PCDHGA5: variants seen among roughly 807,000 people sequenced by gnomAD.
PCDHGA5 encodes the protein protocadherin gamma-A5.
Under a neutral mutation model 56.7 loss-of-function variants are expected in PCDHGA5, and 36 were observed. The observed-to-expected ratio is 0.64, with a 90% confidence interval of 0.49 to 0.84. The LOEUF is 0.84. Ranked by LOEUF, PCDHGA5 falls within the 40% of genes least tolerant of loss-of-function variation. The pLI is 0.00. For synonymous variants in PCDHGA5, 563 were observed against 520.2 expected (o/e 1.08, Z -1.12); for missense variants, 1,305 against 1,201.5 (o/e 1.09, Z -1.27).
chr5:141,482,530 CA>C (rs3074545), intron 1 of PCDHGA5, among the ~76,000 whole-genome samples: 1,133 of 76,538 alleles, frequency 0.015, 6 homozygotes, highest in Admixed American at 0.025. Flanking sequence ...GACAGACATG[CA>C]AAAAAAAAAA....
At chr5:141,372,379 T>TA (rs1390677977) in intron 1 of PCDHGA5, 1 of 1,613,888 alleles carries the variant, frequency 6.2e-7, no homozygotes, top group Non-Finnish European at 8.5e-7. Context: ...ATGCTGCACC[T>TA]AATCTTCGCA....
Position 141,431,585 on chromosome 5 carries a change from G to A in PCDHGA5, c.2422-63222G>A. 6.2e-7 allele frequency: 1 copy of A among 1,614,204 alleles called. No individual in the cohort carries two copies. The highest frequency in any genetic ancestry group is 1.6e-4 in the Middle Eastern group (1 of 6,062). On this transcript the variant is annotated intron_variant, in intron 1 of 3. Transcript: ENST00000518069. This position sits in a 1 kb window ranked among gnomAD's most constrained non-coding sequence, Gnocchi z 4.8. ...CGACCCTGACGAAGGAGTCAATGCG[G>A]AAGTGAGGTATTCCTTCCGGTATGT...
chr5:141,431,032 C>T lies in PCDHGA5; in HGVS notation c.2422-63775C>T. 1 of 1,614,008 alleles carries T rather than the reference C, an allele frequency of 6.2e-7. No individual in the cohort carries two copies. The highest frequency in any genetic ancestry group is 2.2e-5 in the East Asian group (1 of 44,848). On this transcript the variant is annotated intron_variant, in intron 1 of 3. Transcript: ENST00000518069. This position sits in a 1 kb window ranked among gnomAD's most constrained non-coding sequence, Gnocchi z 4.8. ...GCTTGGTCACGGCGGGCAGGATAGA[C>T]CGGGAGGAGCTCTGTATGGGGGCCA...
chr5:141,423,338 T>A, intron 1 of PCDHGA5: 1 of 1,614,150 alleles, frequency 6.2e-7, no homozygotes, highest in Middle Eastern at 1.6e-4. Flanking sequence ...GTCTCCTGCA[T>A]CTTCCTGGTC....
At chr5:141,470,648 C>T (rs1188305813) in intron 1 of PCDHGA5, among the ~76,000 whole-genome samples, 1 of 152,066 alleles carries the variant, frequency 6.6e-6, no homozygotes, top group Non-Finnish European at 1.5e-5. Context: ...TTTGAAGGCC[C>T]CTACCCTTTG....
At chr5:141,467,767 C>T (rs72790060) in intron 1 of PCDHGA5, among the ~76,000 whole-genome samples, 25,555 of 151,632 alleles carry the variant, frequency 0.17, 2,195 homozygotes, top group South Asian at 0.22. Context: ...GCTCAAGTGC[C>T]CGCACCTCAG....
At chr5:141,482,572 T>C (rs1367788391) in intron 1 of PCDHGA5, among the ~76,000 whole-genome samples, 1 of 137,636 alleles carries the variant, frequency 7.3e-6, no homozygotes, top group Admixed American at 7.3e-5. Context: ...CTGCATAGCA[T>C]AAGATGCAGT....
chr5:141,481,436 T>C (rs775003998), intron 1 of PCDHGA5, among the ~76,000 whole-genome samples: 5 of 152,220 alleles, frequency 3.3e-5, no homozygotes, highest in South Asian at 2.1e-4. Flanking sequence ...ATTGTATCAG[T>C]TTAGTACATG....
At chr5:141,371,323 A>C in intron 1 of PCDHGA5, 5 of 1,614,012 alleles carry the variant, frequency 3.1e-6, no homozygotes, top group Non-Finnish European at 4.2e-6. Flanking sequence ...CTGGACTTTG[A>C]AGAGAGAGAT....
intron 1 of PCDHGA5, chr5:141,404,969 G>T (rs2094589920): frequency 6.2e-7 from 1 of 1,613,964 alleles, no homozygotes; most frequent in East Asian, 2.2e-5. Context: ...AGACATCCTG[G>T]CTGACCTGGG....
chr5:141,498,960 G>GGAGA (rs1381042115), intron 2 of PCDHGA5, among the ~76,000 whole-genome samples: 9 of 118,744 alleles, frequency 7.6e-5, no homozygotes, highest in African/African-American at 2.8e-4. Context: ...AGAGAGAGAG[G>GGAGA]GAGGGAGGGA....
chr5:141,383,788 C>T (rs1375292315), intron 1 of PCDHGA5: 2 of 1,613,944 alleles, frequency 1.2e-6, no homozygotes, highest in Non-Finnish European at 1.7e-6. Context: ...TCTGAACTCG[C>T]TTACAGGAGA....
At position 141,476,015 on chromosome 5, in the gene PCDHGA5, C is replaced by A; in HGVS notation, c.2422-18792C>A. The A allele has an allele frequency of 7.4e-7, 1 of 1,344,728 alleles. No individual in the cohort carries two copies. The highest frequency in any genetic ancestry group is 1.0e-6 in the Non-Finnish European group (1 of 992,700). The allele number at this position is 1,344,728 out of a possible 1,614,324, so 83.3% of individuals were successfully genotyped here. A position where few individuals can be genotyped will look rare whatever the true frequency, so the allele number is the denominator to read the frequency against. ...ATCAACGGCATCCAGAAAGCCATGT[C>A]GGACTCGGCGCCCAGCGCCCAAGCG... On this transcript the variant is annotated intron_variant, in intron 1 of 3. Coordinates refer to ENST00000518069, the MANE Select transcript of PCDHGA5 (RefSeq NM_018918.3). This position sits in a 1 kb window ranked among gnomAD's most constrained non-coding sequence, Gnocchi z 7.6.
At chr5:141,374,922 C>T in intron 1 of PCDHGA5, 2 of 1,613,928 alleles carry the variant, frequency 1.2e-6, no homozygotes, top group Non-Finnish European at 1.7e-6. Context: ...GTAACTTATT[C>T]CTTTGTGAAG....
At position 141,431,569 on chromosome 5, in the gene PCDHGA5, CGAA is replaced by C. The variant is rs780392922; in HGVS notation, c.2422-63236_2422-63234del. The C allele has an allele frequency of 1.9e-6, 3 of 1,614,000 alleles. No homozygotes were observed. The highest frequency in any genetic ancestry group is 2.7e-5 in the African/African-American group (2 of 74,932). ...TTGTAGTCAACGCTACCGACCCTGA[CGAA>C]GGAGTCAATGCGGAAGTGAGGTATT... On this transcript the variant is annotated intron_variant, in intron 1 of 3. Transcript: ENST00000518069. This position sits in a 1 kb window ranked among gnomAD's most constrained non-coding sequence, Gnocchi z 4.8.
rs768559201 is a variant in PCDHGA5, at chr5:141,431,344, G to A, written c.2422-63463G>A. Reference sequence around the variant, plus strand: ...ACGGTAGTAAGTACCCCGAATTGGTGCTGAAACGCGCCCTGGACCGCGAAG... The same window carrying A: ...ACGGTAGTAAGTACCCCGAATTGGTACTGAAACGCGCCCTGGACCGCGAAG... On this transcript the variant is annotated intron_variant, in intron 1 of 3. Coordinates refer to ENST00000518069, the MANE Select transcript of PCDHGA5 (RefSeq NM_018918.3). The surrounding 1 kb of genome is among the most constrained non-coding windows in gnomAD (Gnocchi z 4.8). 3.9e-5 allele frequency: 63 copies of A among 1,614,078 alleles called. No homozygotes were observed. Among genetic ancestry groups the A allele is most frequent in the Non-Finnish European group, 5.0e-5 (59 of 1,180,044 alleles).
In PCDHGA5 at chr5:141,487,917, CTACAGTGCACAGGG is replaced by C; in HGVS notation, c.2422-6879_2422-6866del. On this transcript the variant is annotated intron_variant, in intron 1 of 3. Coordinates refer to ENST00000518069, the MANE Select transcript of PCDHGA5 (RefSeq NM_018918.3). The surrounding 1 kb of genome is among the most constrained non-coding windows in gnomAD (Gnocchi z 5.0). ...TGATGGAATGTGGGAGCACAGGAGG[CTACAGTGCACAGGG>C]TACAGTGCACCAGGCAGTCACTTGG... 1 of 647,994 alleles carries C rather than the reference CTACAGTGCACAGGG, an allele frequency of 1.5e-6. No homozygotes were observed. The highest frequency in any genetic ancestry group is 2.7e-6 in the Non-Finnish European group (1 of 377,182). 40.1% of individuals were successfully genotyped at this position (647,994 alleles called of 1,614,324 possible).
intron 1 of PCDHGA5, chr5:141,419,386 G>T: frequency 2.5e-6 from 4 of 1,613,650 alleles, no homozygotes; most frequent in Non-Finnish European, 3.4e-6. Context: ...CCGTGAGCGC[G>T]CAGAGCGGGG....
Position 141,490,849 on chromosome 5 carries a change from C to T in PCDHGA5, c.2422-3958C>T, listed in dbSNP as rs200640560. The stretch of plus-strand genomic sequence containing the variant: ...GATGCTGCAGATTGTGGTGGGGGTT[C>T]GAGACTCCGGCTCTCCCCCATTGCA... On this transcript the variant is annotated intron_variant, in intron 1 of 3. Coordinates refer to ENST00000518069, the MANE Select transcript of PCDHGA5 (RefSeq NM_018918.3). This position sits in a 1 kb window ranked among gnomAD's most constrained non-coding sequence, Gnocchi z 5.4. The T allele has an allele frequency of 1.3e-5, 21 of 1,613,748 alleles. No individual in the cohort carries two copies. Among genetic ancestry groups the T allele is most frequent in the Admixed American group, 1.7e-5 (1 of 60,022 alleles).
Sources: allele counts gnomAD v4.1 joint callset (sites outside exome capture counted in the v4.1 genomes callset), GRCh38; gene constraint gnomAD v4.1.1; non-coding constraint Gnocchi (gnomAD v3.1); transcripts MANE v1.5; gene names NCBI Gene and HGNC (gene_info 2026-07-23, HGNC 2026-07-21).